The following GPC6 variants were observed in gnomAD, a reference collection of about 807,000 sequenced individuals.
The protein encoded by GPC6 is glypican-6.
Under a neutral mutation model 55.2 loss-of-function variants are expected in GPC6, and 14 were observed. That is an observed-to-expected ratio of 0.25 (90% CI 0.17 to 0.40). The LOEUF is 0.40. Among genes scored for constraint, GPC6 ranks in the 10% least tolerant of loss-of-function variants. GPC6 has a pLI of 1.00. For missense variants in GPC6, 641 were observed against 708.5 expected, an observed-to-expected ratio of 0.90 and a Z score of 1.08; for synonymous variants, 278 against 259.6, an observed-to-expected ratio of 1.07 and a Z score of -0.68.
At chr13:93,421,565 C>G (rs1375007620) in intron 1 of GPC6, among the ~76,000 whole-genome samples, 8 of 152,156 alleles carry the variant, frequency 5.3e-5, no homozygotes, top group Non-Finnish European at 8.8e-5. Context: ...ATCCCTCACA[C>G]TGTTTAAAAC....
chr13:94,019,036 G>A (rs1247910073), intron 3 of GPC6, among the ~76,000 whole-genome samples: 1 of 152,160 alleles, frequency 6.6e-6, no homozygotes, highest in Non-Finnish European at 1.5e-5. Context: ...TCCTTATTAT[G>A]TCTTTGTCTG....
chr13:93,738,724 T>G (rs1884087547), intron 2 of GPC6, among the ~76,000 whole-genome samples: 1 of 152,106 alleles, frequency 6.6e-6, no homozygotes, highest in Non-Finnish European at 1.5e-5. Context: ...AATTTCAGAT[T>G]GTGGACTGGA....
chr13:93,549,822 G>T (rs1442669556), intron 2 of GPC6, among the ~76,000 whole-genome samples: 1 of 152,044 alleles, frequency 6.6e-6, no homozygotes, highest in Non-Finnish European at 1.5e-5. Flanking sequence ...GGAATCTGGA[G>T]ATTTGACAGG....
At chr13:93,240,500 C>G (rs1486255428) in intron 1 of GPC6, among the ~76,000 whole-genome samples, 1 of 151,768 alleles carries the variant, frequency 6.6e-6, no homozygotes, top group Non-Finnish European at 1.5e-5. Flanking sequence ...ATATTTTGTT[C>G]CACTCCTTTA....
intron 6 of GPC6, among the ~76,000 whole-genome samples, chr13:94,338,886 C>T (rs558258609): frequency 3.1e-4 from 47 of 152,022 alleles, no homozygotes; most frequent in Non-Finnish European, 6.2e-4. Flanking sequence ...GCCCTAATAT[C>T]GAGCTGGTCA....
chr13:93,525,434 A>C (rs532828197), intron 1 of GPC6, among the ~76,000 whole-genome samples: 1 of 152,164 alleles, frequency 6.6e-6, no homozygotes, highest in South Asian at 2.1e-4. Flanking sequence ...GTGAAACAGA[A>C]TAGCTTCTAG....
At chr13:93,300,289 A>G (rs1341658806) in intron 1 of GPC6, among the ~76,000 whole-genome samples, 1 of 152,208 alleles carries the variant, frequency 6.6e-6, no homozygotes, top group African/African-American at 2.4e-5. Context: ...ATTACTGAAA[A>G]TAAGTATTAA....
At chr13:93,625,972 A>T (rs1566456261) in intron 2 of GPC6, among the ~76,000 whole-genome samples, 2 of 152,142 alleles carry the variant, frequency 1.3e-5, no homozygotes, top group Admixed American at 6.5e-5. Context: ...AAGTACAGTC[A>T]GTTCTGCTAT....
chr13:93,428,383 G>A (rs1004814609), intron 1 of GPC6, among the ~76,000 whole-genome samples: 9 of 152,090 alleles, frequency 5.9e-5, no homozygotes, highest in Non-Finnish European at 8.8e-5. Flanking sequence ...CAAACAAACA[G>A]CAATCCACCT....
intron 3 of GPC6, among the ~76,000 whole-genome samples, chr13:93,868,952 C>T (rs1178529732): frequency 6.6e-6 from 1 of 151,802 alleles, no homozygotes; most frequent in Non-Finnish European, 1.5e-5. Context: ...GGAACTGCTT[C>T]TATTCTTTAT....
chr13:93,669,178 A>T (rs1403755595), intron 2 of GPC6, among the ~76,000 whole-genome samples: 1 of 152,168 alleles, frequency 6.6e-6, no homozygotes, highest in Non-Finnish European at 1.5e-5. Context: ...CCCCAGTGCC[A>T]CCATAACAGG....
chr13:93,423,356 A>T (rs996528002), intron 1 of GPC6, among the ~76,000 whole-genome samples: 4 of 152,184 alleles, frequency 2.6e-5, no homozygotes, highest in Admixed American at 1.3e-4. Flanking sequence ...TTAGGATTCC[A>T]TGTTTATAAA....
intron 6 of GPC6, among the ~76,000 whole-genome samples, chr13:94,373,795 T>C (rs1266408535): frequency 6.6e-6 from 1 of 151,760 alleles, no homozygotes; most frequent in African/African-American, 2.4e-5. Context: ...AAGGAAAAAA[T>C]GTTAAGGGCA....
At chr13:93,376,034 A>G (rs1874880052) in intron 1 of GPC6, among the ~76,000 whole-genome samples, 1 of 148,708 alleles carries the variant, frequency 6.7e-6, no homozygotes, top group Non-Finnish European at 1.5e-5. Context: ...TGTGCAATAG[A>G]TCATGCATCT....
At chr13:93,392,195 A>G (rs532019870) in intron 1 of GPC6, among the ~76,000 whole-genome samples, 1 of 152,284 alleles carries the variant, frequency 6.6e-6, no homozygotes, top group South Asian at 2.1e-4. Flanking sequence ...ACTGCTATTC[A>G]ATAACTGAGG....
chr13:93,429,548 A>C lies in GPC6; in HGVS notation c.161-115715A>C, dbSNP rs139170254. 2.6e-5 allele frequency among the ~76,000 whole-genome samples: 4 copies of C among 152,258 alleles called. No individual in the cohort carries two copies. In the East Asian group the frequency reaches 7.7e-4, roughly 29 times the overall value. On this transcript the variant is annotated intron_variant, in intron 1 of 8. Coordinates refer to ENST00000377047, the MANE Select transcript of GPC6 (RefSeq NM_005708.5). ...CTTCTCATGTCTAGACACACTGCCC[A>C]TTCATGACCTGTTAAGTAAACTAGG... is the stretch of plus-strand genomic sequence containing the variant.
chr13:94,305,493 T>A (rs181473800), intron 5 of GPC6, among the ~76,000 whole-genome samples: 188 of 152,230 alleles, frequency 1.2e-3, no homozygotes, highest in Non-Finnish European at 2.3e-3. Flanking sequence ...TTTTAAACAT[T>A]GAAATCAACA....
intron 7 of GPC6, among the ~76,000 whole-genome samples, chr13:94,388,255 TG>T (rs1215105762): frequency 6.6e-6 from 1 of 152,224 alleles, no homozygotes; most frequent in Non-Finnish European, 1.5e-5. Context: ...GTTGCAATTT[TG>T]GGGGTTTCTT....
intron 2 of GPC6, among the ~76,000 whole-genome samples, chr13:93,561,427 T>TA (rs1431863456): frequency 2.4e-5 from 2 of 82,570 alleles, no homozygotes; most frequent in African/African-American, 6.1e-5. Flanking sequence ...ATATATATAT[T>TA]TGTTGCAGTT....
Sources: allele counts gnomAD v4.1 joint callset (sites outside exome capture counted in the v4.1 genomes callset), GRCh38; gene constraint gnomAD v4.1.1; transcripts MANE v1.5; gene names NCBI Gene and HGNC (gene_info 2026-07-23, HGNC 2026-07-21).